The following MTA3 variants were observed in gnomAD, a reference collection of about 807,000 sequenced individuals.
MTA3 encodes metastasis-associated protein MTA3.
In MTA3, 34 loss-of-function variants were observed where a neutral mutation model predicts 83.5. The ratio of observed to expected loss-of-function variants is 0.41; its 90% CI spans 0.31 to 0.54. The LOEUF (loss-of-function observed/expected upper bound fraction) is 0.54. Ranked by LOEUF, MTA3 falls within the 20% of genes least tolerant of loss-of-function variation. MTA3 has a pLI of 0.33. For missense variants in MTA3, 761 were observed against 726.4 expected, an observed-to-expected ratio of 1.05 and a Z score of -0.55; for synonymous variants, 303 against 252.7, an observed-to-expected ratio of 1.20 and a Z score of -1.89.
chr2:42,677,814 C>T (rs1294454363), intron 8 of MTA3, among the ~76,000 whole-genome samples: 1 of 152,146 alleles, frequency 6.6e-6, no homozygotes, highest in Non-Finnish European at 1.5e-5. Flanking sequence ...ATTTCCCAGT[C>T]TCAGGTTTGT....
intron 2 of MTA3, among the ~76,000 whole-genome samples, chr2:42,546,890 T>G (rs1319714403): frequency 6.6e-6 from 1 of 152,080 alleles, no homozygotes; most frequent in South Asian, 2.1e-4. Flanking sequence ...TGCAGGCAAA[T>G]AACGATACAA....
At chr2:42,524,251 A>C (rs1209306487) in intron 2 of MTA3, among the ~76,000 whole-genome samples, 1 of 151,480 alleles carries the variant, frequency 6.6e-6, no homozygotes, top group Non-Finnish European at 1.5e-5. Context: ...CCTTTGATTG[A>C]CCTCCTGAAA....
intron 2 of MTA3, among the ~76,000 whole-genome samples, chr2:42,562,683 A>G (rs1342870184): frequency 6.6e-6 from 1 of 152,190 alleles, no homozygotes; most frequent in Non-Finnish European, 1.5e-5. Context: ...TGAAGGACTC[A>G]GGGAACCTGC....
chr2:42,579,683 G>A lies in MTA3; in HGVS notation c.190+483G>A, dbSNP rs191466258. On this transcript the variant is annotated intron_variant, in intron 3 of 16. Transcript: ENST00000405094. ...GTAAATAGGCTTTAGCAAAGGATCT[G>A]GGCAGTGTCTTGCCATCTCCTGTTT... Among the ~76,000 whole-genome samples the A allele has an allele frequency of 1.7e-4, 26 of 152,110 alleles. No homozygotes were observed. In the East Asian group the frequency reaches 4.7e-3, roughly 27 times the overall value.
At chr2:42,752,888 A>G (rs936207266) in intron 16 of MTA3, among the ~76,000 whole-genome samples, 1 of 151,886 alleles carries the variant, frequency 6.6e-6, no homozygotes, top group Admixed American at 6.6e-5. Flanking sequence ...GGCCCTAATT[A>G]AACTTTCCCT....
At chr2:42,611,494 C>A (rs774825963) in intron 4 of MTA3, among the ~76,000 whole-genome samples, 39 of 152,158 alleles carry the variant, frequency 2.6e-4, no homozygotes, top group Middle Eastern at 6.8e-3. Flanking sequence ...TGAGCCCTCA[C>A]CCCCATAGAA....
At chr2:42,584,850 C>T (rs1680076857) in intron 3 of MTA3, among the ~76,000 whole-genome samples, 1 of 151,948 alleles carries the variant, frequency 6.6e-6, no homozygotes, top group Non-Finnish European at 1.5e-5. Context: ...GTTTGCACTC[C>T]ACCCTGGGTG....
At chr2:42,501,129 G>C (rs897716934) in intron 2 of MTA3, among the ~76,000 whole-genome samples, 1 of 152,024 alleles carries the variant, frequency 6.6e-6, no homozygotes, top group Non-Finnish European at 1.5e-5. Context: ...TCTTAATAAA[G>C]AATAATAAAT....
At chr2:42,538,777 G>GTTTT (rs10707947) in intron 2 of MTA3, among the ~76,000 whole-genome samples, 1 of 133,698 alleles carries the variant, frequency 7.5e-6, no homozygotes. Context: ...GTTTTTTTTT[G>GTTTT]TTTTTTTTGA....
At chr2:42,677,823 G>A (rs1691521699) in intron 8 of MTA3, among the ~76,000 whole-genome samples, 1 of 152,144 alleles carries the variant, frequency 6.6e-6, no homozygotes, top group African/African-American at 2.4e-5. Context: ...TCTCAGGTTT[G>A]TCTTGATCAG....
chr2:42,494,511 C>T (rs1407092388), upstream of MTA3: 1 of 152,254 alleles, frequency 6.6e-6, no homozygotes, highest in Non-Finnish European at 1.5e-5. Flanking sequence ...CTTCCTACCG[C>T]CGCGCGGGGC....
At chr2:42,731,178 G>C (rs577439007) in intron 16 of MTA3, among the ~76,000 whole-genome samples, 9 of 151,818 alleles carry the variant, frequency 5.9e-5, no homozygotes, top group African/African-American at 2.2e-4. Context: ...CTTTTGTATT[G>C]CTTCCTTCAT....
intron 8 of MTA3, among the ~76,000 whole-genome samples, chr2:42,664,016 T>C (rs1278074276): frequency 6.6e-6 from 1 of 152,190 alleles, no homozygotes; most frequent in Non-Finnish European, 1.5e-5. Flanking sequence ...GTTTCAGAGA[T>C]AGGGTTTGGA....
chr2:42,608,455 A>C (rs972684863), intron 3 of MTA3, among the ~76,000 whole-genome samples: 16 of 152,318 alleles, frequency 1.1e-4, no homozygotes, highest in African/African-American at 3.8e-4. Context: ...TCTTTTTCTA[A>C]GTTACTGTTT....
intron 13 of MTA3, among the ~76,000 whole-genome samples, chr2:42,708,604 C>T (rs552189047): frequency 1.3e-5 from 2 of 152,210 alleles, no homozygotes; most frequent in South Asian, 2.1e-4. Flanking sequence ...GTAGTTAACC[C>T]CCTTGGCAGT....
intron 3 of MTA3, among the ~76,000 whole-genome samples, chr2:42,588,219 A>T (rs1573088739): frequency 6.6e-6 from 1 of 152,112 alleles, no homozygotes; most frequent in South Asian, 2.1e-4. Context: ...TCTGTTCCTC[A>T]TGTTTGATTT....
chr2:42,659,176 C>G (rs1689448953), intron 7 of MTA3, among the ~76,000 whole-genome samples: 2 of 152,198 alleles, frequency 1.3e-5, no homozygotes, highest in East Asian at 1.9e-4. Context: ...AGCAGTGAGT[C>G]TTCATTTTAT....
chr2:42,709,669 A>C (rs1195386086), intron 14 of MTA3: 1 of 152,260 alleles, frequency 6.6e-6, no homozygotes, highest in African/African-American at 2.4e-5. Context: ...AGGTCTAGCA[A>C]ATTACAAGTA....
intron 2 of MTA3, among the ~76,000 whole-genome samples, chr2:42,498,616 T>C (rs1674256332): frequency 6.6e-6 from 1 of 152,188 alleles, no homozygotes; most frequent in African/African-American, 2.4e-5. Flanking sequence ...GATGGGGCTT[T>C]AGCATTAAAA....
Sources: gnomAD v4.1 joint callset for allele counts (sites outside exome capture counted in the v4.1 genomes callset) on GRCh38, gnomAD v4.1.1 for gene constraint, MANE v1.5 for transcripts, NCBI Gene and HGNC (gene_info 2026-07-23, HGNC 2026-07-21) for gene names.